BCAS3: variants seen among roughly 807,000 people sequenced by gnomAD.
BCAS3 encodes BCAS3 microtubule associated cell migration factor.
Under a neutral mutation model 116.1 loss-of-function variants are expected in BCAS3, and 53 were observed. The ratio of observed to expected loss-of-function variants is 0.46; its 90% CI spans 0.37 to 0.57. BCAS3 has a LOEUF of 0.57. Among genes scored for constraint, BCAS3 ranks in the 20% least tolerant of loss-of-function variants. The pLI is 0.00. For missense variants in BCAS3, 917 were observed against 1,165.4 expected (o/e 0.79, Z 3.10); for synonymous variants, 391 against 408.2 (o/e 0.96, Z 0.51).
At chr17:61,373,808 GTTTTTTTTTTT>G (rs1169897447) in intron 23 of BCAS3, among the ~76,000 whole-genome samples, 14 of 101,276 alleles carry the variant, frequency 1.4e-4, no homozygotes, top group Non-Finnish European at 2.4e-4. Flanking sequence ...CTTCTTCTTT[GTTTTTTTTTTT>G]TTTTTTTTTG....
intron 6 of BCAS3, among the ~76,000 whole-genome samples, chr17:60,803,795 G>A (rs1398381968): frequency 4.0e-5 from 4 of 100,740 alleles, no homozygotes; most frequent in South Asian, 3.8e-4. Flanking sequence ...TAACTATTAC[G>A]ATTTTTTTTT....
chr17:60,869,611 G>T (rs1219695590), intron 8 of BCAS3, among the ~76,000 whole-genome samples: 1 of 152,052 alleles, frequency 6.6e-6, no homozygotes, highest in Non-Finnish European at 1.5e-5. Context: ...ACTAATAAGA[G>T]AAATATTTGA....
chr17:61,025,696 G>T (rs1811541414), intron 16 of BCAS3, among the ~76,000 whole-genome samples: 1 of 151,954 alleles, frequency 6.6e-6, no homozygotes, highest in African/African-American at 2.4e-5. Context: ...CTTGGCATTG[G>T]CATTGGCATC....
At chr17:60,872,760 A>C (rs557320603) in intron 8 of BCAS3, among the ~76,000 whole-genome samples, 3 of 150,544 alleles carry the variant, frequency 2.0e-5, no homozygotes, top group African/African-American at 7.4e-5. Flanking sequence ...GTATATACAC[A>C]CATACACACA....
chr17:61,073,241 G>A lies in BCAS3; in HGVS notation c.2030-1679G>A, dbSNP rs2071604873. ...TGTTTTGTACAAATGCCACCATGCC[G>A]CTTGGCTGTAGAACTATGATTTTGA... On this transcript the variant is annotated intron_variant, in intron 19 of 23. Coordinates refer to ENST00000407086, the MANE Select transcript of BCAS3 (RefSeq NM_017679.5). The surrounding 1 kb of genome is among the most constrained non-coding windows in gnomAD (Gnocchi z 4.6). Among the ~76,000 whole-genome samples, 1 of 152,092 alleles carries A rather than the reference G, an allele frequency of 6.6e-6. No individual in the cohort carries two copies. The highest frequency in any genetic ancestry group is 2.1e-4 in the South Asian group (1 of 4,830).
chr17:61,294,002 A>G (rs1191083468), intron 22 of BCAS3, among the ~76,000 whole-genome samples: 2 of 152,152 alleles, frequency 1.3e-5, no homozygotes, highest in East Asian at 3.9e-4. Flanking sequence ...ACCTCAAGGG[A>G]TCCATCCTCC....
At chr17:61,357,277 T>TAAAA (rs1568930807) in intron 22 of BCAS3, among the ~76,000 whole-genome samples, 1 of 144,820 alleles carries the variant, frequency 6.9e-6, no homozygotes, top group African/African-American at 2.6e-5. Flanking sequence ...AATTAATTAA[T>TAAAA]TAAATAAATA....
At chr17:60,895,037 A>G (rs956328597) in intron 10 of BCAS3, among the ~76,000 whole-genome samples, 2 of 152,004 alleles carry the variant, frequency 1.3e-5, no homozygotes. Flanking sequence ...TTTTTGTGGC[A>G]TCCTTGTCTG....
intron 22 of BCAS3, among the ~76,000 whole-genome samples, chr17:61,290,297 C>G (rs1335680351): frequency 6.6e-6 from 1 of 151,970 alleles, no homozygotes; most frequent in East Asian, 1.9e-4. Flanking sequence ...TAATTATAAG[C>G]TAATTGAGGA....
intron 22 of BCAS3, among the ~76,000 whole-genome samples, chr17:61,253,979 A>G (rs1374244765): frequency 6.6e-6 from 1 of 152,108 alleles, no homozygotes; most frequent in Non-Finnish European, 1.5e-5. Context: ...GAGAAGAAAG[A>G]GCCTTAGGAT....
intron 16 of BCAS3, among the ~76,000 whole-genome samples, chr17:61,033,865 G>A (rs945583416): frequency 3.9e-5 from 6 of 152,152 alleles, no homozygotes; most frequent in African/African-American, 1.4e-4. Flanking sequence ...CTTATTTGTG[G>A]AAAACAGAGG....
intron 5 of BCAS3, among the ~76,000 whole-genome samples, chr17:60,717,401 A>G (rs2038751372): frequency 6.6e-6 from 1 of 151,882 alleles, no homozygotes; most frequent in Non-Finnish European, 1.5e-5. Flanking sequence ...TTTTTAGTAG[A>G]GACGGGGTTT....
chr17:61,392,185 C>T lies in BCAS3; in HGVS notation c.*60C>T. 4 of 1,568,664 alleles carry T rather than the reference C, an allele frequency of 2.5e-6. No homozygotes were observed. In the East Asian group the frequency reaches 9.0e-5, roughly 35 times the overall value. ...TCCCCTGCTGGAGGAGGGGAGAAGC[C>T]CCGCTCTGGTCCTACCCTTCAGTCT... On this transcript the variant is annotated 3_prime_UTR_variant, in exon 24 of 24. Transcript: ENST00000407086. The surrounding 1 kb of genome is among the most constrained non-coding windows in gnomAD (Gnocchi z 6.4).
rs778312302 is a variant in BCAS3, at chr17:61,019,856, G to A, written c.1637+3955G>A. ...ATTTTCCATGTCTCTTTTTATTCTG[G>A]AAATTCTCATTTACTCAAGCTTTGC... On this transcript the variant is annotated intron_variant, in intron 16 of 23. Coordinates refer to ENST00000407086, the MANE Select transcript of BCAS3 (RefSeq NM_017679.5). The surrounding 1 kb of genome is among the most constrained non-coding windows in gnomAD (Gnocchi z 5.6). Among the ~76,000 whole-genome samples, 2 of 152,086 alleles carry A rather than the reference G, an allele frequency of 1.3e-5. No individual in the cohort carries two copies. The highest frequency in any genetic ancestry group is 2.9e-5 in the Non-Finnish European group (2 of 68,016).
intron 7 of BCAS3, among the ~76,000 whole-genome samples, chr17:60,853,396 T>G (rs2053355691): frequency 1.3e-5 from 2 of 152,362 alleles, no homozygotes; most frequent in Middle Eastern, 6.8e-3. Context: ...ACATGGAAGC[T>G]TCTTTCAAAA....
intron 9 of BCAS3, among the ~76,000 whole-genome samples, chr17:60,877,786 T>G (rs1259190274): frequency 3.9e-5 from 6 of 152,162 alleles, no homozygotes; most frequent in Admixed American, 2.6e-4. Context: ...CCACAAAGAT[T>G]ATCACTTATT....
In BCAS3 at chr17:61,070,366, AATAT is replaced by A. The variant is rs55736464; in HGVS notation, c.2030-4523_2030-4520del. The stretch of plus-strand genomic sequence containing the variant: ...AACTGAGTCCAGCTGCCTAATTCTG[AATAT>A]ATATATATATATATATATATATATA... On this transcript the variant is annotated intron_variant, in intron 19 of 23. Transcript: ENST00000407086. The A allele has an allele frequency of 5.8e-3, 1,825 of 313,954 alleles. 67 individuals carry two copies. The highest frequency in any genetic ancestry group is 0.022 in the African/African-American group (787 of 35,138). The allele number at this position is 313,954 out of a possible 1,614,324, so 19.4% of individuals were successfully genotyped here.
chr17:61,234,783 G>GAAA (rs71148395), intron 22 of BCAS3, among the ~76,000 whole-genome samples: 1 of 143,154 alleles, frequency 7.0e-6, no homozygotes, highest in African/African-American at 2.7e-5. Flanking sequence ...GCTTTTTCCA[G>GAAA]AAAAAAAAAA....
chr17:60,921,129 A>G (rs2059060682), intron 12 of BCAS3, among the ~76,000 whole-genome samples: 1 of 152,154 alleles, frequency 6.6e-6, no homozygotes, highest in Non-Finnish European at 1.5e-5. Flanking sequence ...TCACCATGCT[A>G]TTAACAATAG....
Sources: gnomAD v4.1 joint callset for allele counts (sites outside exome capture counted in the v4.1 genomes callset) on GRCh38, gnomAD v4.1.1 for gene constraint, Gnocchi (gnomAD v3.1) non-coding constraint, MANE v1.5 for transcripts, NCBI Gene and HGNC (gene_info 2026-07-23, HGNC 2026-07-21) for gene names.